Variants in SF3B3 observed in about 807,000 individuals in gnomAD.
SF3B3 encodes SAP 130.
Under a neutral mutation model 139.2 loss-of-function variants are expected in SF3B3, and 33 were observed. That is an observed-to-expected ratio of 0.24 (90% confidence interval 0.18 to 0.32). The LOEUF is 0.32. Among genes scored for constraint, SF3B3 ranks in the 10% least tolerant of loss-of-function variants. The pLI is 1.00. For synonymous variants in SF3B3, 596 were observed against 563.6 expected, an observed-to-expected ratio of 1.06 and a Z score of -0.81; for missense variants, 818 against 1,509.4, an observed-to-expected ratio of 0.54 and a Z score of 7.59.
intron 11 of SF3B3, chr16:70,550,758 G>A: frequency 1.5e-6 from 1 of 673,972 alleles, no homozygotes; most frequent in African/African-American, 2.0e-5. Context: ...TATTGAGGCT[G>A]CCCTGATGGT....
rs1308142211 is a variant in SF3B3, at chr16:70,572,115, C to G, written c.*302C>G. The G allele has an allele frequency of 5.3e-6, 3 of 565,536 alleles. No homozygotes were observed. The highest frequency in any genetic ancestry group is 1.0e-5 in the Non-Finnish European group (3 of 297,876). 35.0% of individuals were successfully genotyped at this position (565,536 alleles called of 1,614,324 possible). A position where few individuals can be genotyped will look rare whatever the true frequency, so the allele number is the denominator to read the frequency against. On this transcript the variant is annotated 3_prime_UTR_variant, in exon 26 of 26. Coordinates refer to ENST00000302516, the MANE Select transcript of SF3B3 (RefSeq NM_012426.5). Reference sequence around the variant, plus strand: ...CCCTGCATTGATATGTCTTGACTCTCCTGTCTACTTTTGCACACACCCTTA... The same window carrying G: ...CCCTGCATTGATATGTCTTGACTCTGCTGTCTACTTTTGCACACACCCTTA...
intron 23 of SF3B3, 129 bp from the exon 24 acceptor site, chr16:70,569,877 T>C: frequency 3.0e-6 from 3 of 993,904 alleles, no homozygotes; most frequent in Non-Finnish European, 4.5e-6. Context: ...TCCTCCCACG[T>C]TGGCCTCTAT....
Position 70,528,960 on chromosome 16 carries a change from T to A in SF3B3, c.158T>A (p.Leu53Gln). The change falls in exon 3 of 26, where the codon CTA (leucine) becomes CAA (glutamine). Residue 53 changes from leucine to glutamine, a missense_variant. Leu to Gln is a moderately radical substitution (Grantham distance 113). Coordinates refer to ENST00000302516, the MANE Select transcript of SF3B3 (RefSeq NM_012426.5). Reference protein sequence around the residue: ...PDPNTGKVHTLLTVEVFGVIR... With the variant: ...PDPNTGKVHTQLTVEVFGVIR... ...CCCAACACTGGCAAAGTACATACCC[T>A]ACTCACTGTGGAAGTATTCGGTGTT... is the stretch of plus-strand genomic sequence containing the variant. The A allele has an allele frequency of 6.2e-7, 1 of 1,614,144 alleles. No homozygotes were observed. The highest frequency in any genetic ancestry group is 2.2e-5 in the East Asian group (1 of 44,888).
At chr16:70,561,419 A>C (rs141220816) in intron 16 of SF3B3, 6 of 557,980 alleles carry the variant, frequency 1.1e-5, no homozygotes, top group Non-Finnish European at 1.6e-5. Context: ...GTGAGTCTAG[A>C]TCATATGGCT....
intron 10 of SF3B3, among the ~76,000 whole-genome samples, chr16:70,546,248 A>G (rs1361453113): frequency 6.6e-6 from 1 of 152,126 alleles, no homozygotes; most frequent in Non-Finnish European, 1.5e-5. Context: ...TGTGATTACA[A>G]GCGTGAGCCA....
rs2050544686 is a variant in SF3B3 at position 70,573,053 on chromosome 16, A to G, written c.*1240A>G. 1 of 152,244 alleles carries G rather than the reference A, an allele frequency of 6.6e-6. No homozygotes were observed. Among genetic ancestry groups the G allele is most frequent in the African/African-American group, 2.4e-5 (1 of 41,470 alleles). 9.4% of individuals were successfully genotyped at this position (152,244 alleles called of 1,614,324 possible). A position where few individuals can be genotyped will look rare whatever the true frequency, so the allele number is the denominator to read the frequency against. On this transcript the variant is annotated 3_prime_UTR_variant, in exon 26 of 26. Transcript: ENST00000302516. ...GGGTTAGAATCAGGAATGGTGGAAT[A>G]CAATCTGAACCTCTCAGAGCCCAGA...
chr16:70,570,187 G>A, intron 24 of SF3B3, 38 bp downstream of exon 24: 4 of 1,610,940 alleles, frequency 2.5e-6, no homozygotes, highest in Non-Finnish European at 3.4e-6. Context: ...TGACTTTTAA[G>A]GTTGTTTCTT....
chr16:70,547,664 G>C (rs1209523216), intron 10 of SF3B3, among the ~76,000 whole-genome samples: 2 of 152,200 alleles, frequency 1.3e-5, no homozygotes, highest in Non-Finnish European at 2.9e-5. Context: ...TGCAATCTCA[G>C]CTCACCGCAA....
Position 70,549,057 on chromosome 16 carries a change from G to A in SF3B3, c.1402+615G>A, listed in dbSNP as rs118167947. On this transcript the variant is annotated intron_variant, in intron 11 of 25. Coordinates refer to ENST00000302516, the MANE Select transcript of SF3B3 (RefSeq NM_012426.5). Reference sequence around the variant, plus strand: ...AGAATGCCTAGTAGTTACTGCAATAGCAGGAAAGTCTTGTGACAATTGAAT... The same window carrying A: ...AGAATGCCTAGTAGTTACTGCAATAACAGGAAAGTCTTGTGACAATTGAAT... 1.8e-3 allele frequency among the ~76,000 whole-genome samples: 272 copies of A among 152,336 alleles called. 2 individuals carry two copies. The highest frequency in any genetic ancestry group is 6.5e-3 in the Admixed American group (99 of 15,304).
At position 70,556,304 on chromosome 16, in the gene SF3B3, C is replaced by T; in HGVS notation, c.1836C>T (p.Asn612=). 1 of 1,614,182 alleles carries T rather than the reference C, an allele frequency of 6.2e-7. No individual in the cohort carries two copies. Among genetic ancestry groups the T allele is most frequent in the South Asian group, 1.1e-5 (1 of 91,078 alleles). The stretch of plus-strand genomic sequence containing the variant: ...TCCTGGCTGTGGGGCTTGTGGACAA[C>T]ACTGTCAGAATCATCTCCCTGGATC... The part of the protein sequence containing the change: ...SRFLAVGLVD[N]TVRIISLDPS... The change falls in exon 14 of 26, where the codon AAC becomes AAT. Residue 612 remains asparagine (N), a synonymous_variant. Coordinates refer to ENST00000302516, the MANE Select transcript of SF3B3 (RefSeq NM_012426.5).
chr16:70,565,233 G>A lies in SF3B3; in HGVS notation c.2632G>A (p.Asp878Asn). ...VMNPIQGNTLDLVQLEQNEAA... is the reference protein window; with the variant it reads ...VMNPIQGNTLNLVQLEQNEAA... ...GAATCCCATTCAAGGGAACACACTG[G>A]ACCTTGTCCAGCTGGAACAGAATGA... Residue 878 changes from aspartate (D) to asparagine (N), a missense_variant, in exon 19 of 26, where the codon GAC becomes AAC. Asp to Asn is a conservative substitution (Grantham distance 23). Transcript: ENST00000302516. 6.2e-7 allele frequency: 1 copy of A among 1,614,186 alleles called. No homozygotes were observed. Among genetic ancestry groups the A allele is most frequent in the Non-Finnish European group, 8.5e-7 (1 of 1,180,036 alleles).
intron 10 of SF3B3, among the ~76,000 whole-genome samples, chr16:70,545,633 A>ATCT (rs2050261048): frequency 6.6e-6 from 1 of 152,210 alleles, no homozygotes; most frequent in Admixed American, 6.5e-5. Context: ...AGCTCTCAAG[A>ATCT]GGCCTGCTAC....
At chr16:70,543,783 C>T (rs569135213) in intron 9 of SF3B3, among the ~76,000 whole-genome samples, 2 of 152,108 alleles carry the variant, frequency 1.3e-5, no homozygotes, top group South Asian at 2.1e-4. Context: ...TTCTTTCTGC[C>T]ATGGATCTTT....
At position 70,565,151 on chromosome 16, in the gene SF3B3, C is replaced by T. The variant is rs190954086; in HGVS notation, c.2550C>T (p.Ser850=). 1 of 1,614,162 alleles carries T rather than the reference C, an allele frequency of 6.2e-7. No individual in the cohort carries two copies. The highest frequency in any genetic ancestry group is 2.2e-5 in the East Asian group (1 of 44,886). The change falls in exon 19 of 26, where the codon TCC becomes TCT. Residue 850 remains serine (S), a synonymous_variant. Transcript: ENST00000302516. The stretch of plus-strand genomic sequence containing the variant: ...TCCTCAATGAAAACCTCCCTGAATC[C>T]ATCTTTGGAGCTCCCAAGGCTGGCA... ...AAFLNENLPE[S]IFGAPKAGNG...
chr16:70,532,444 CTGA>C (rs1157588460), intron 4 of SF3B3, 32 bp from the exon 5 acceptor site: 1 of 1,596,222 alleles, frequency 6.3e-7, no homozygotes, highest in Admixed American at 1.7e-5. Context: ...CGATTTTATG[CTGA>C]TGATTAGTTT....
chr16:70,525,276 C>T (rs1243975955), intron 1 of SF3B3, among the ~76,000 whole-genome samples: 1 of 152,110 alleles, frequency 6.6e-6, no homozygotes, highest in African/African-American at 2.4e-5. Flanking sequence ...ACCCATTTGC[C>T]TCGGCCTCCC....
chr16:70,533,850 T>C (rs1445865803), intron 5 of SF3B3, among the ~76,000 whole-genome samples: 1 of 152,250 alleles, frequency 6.6e-6, no homozygotes, highest in Non-Finnish European at 1.5e-5. Context: ...CACATCTCAT[T>C]ACTTGTAACA....
chr16:70,567,428 C>T lies in SF3B3; in HGVS notation c.2844C>T (p.Val948=). 6.2e-7 allele frequency: 1 copy of T among 1,613,822 alleles called. No homozygotes were observed. The highest frequency in any genetic ancestry group is 8.5e-7 in the Non-Finnish European group (1 of 1,179,876). The change falls in exon 21 of 26, where the codon GTC becomes GTT. Residue 948 remains valine, a synonymous_variant. Coordinates refer to ENST00000302516, the MANE Select transcript of SF3B3 (RefSeq NM_012426.5). ...EFLHKTPVEE[V]PAAIAPFQGR... is the part of the protein sequence containing the mutation. ...CTCTATAGACTCCTGTGGAAGAGGT[C>T]CCTGCTGCTATTGCCCCATTCCAGG... is the stretch of plus-strand genomic sequence containing the variant.
chr16:70,549,319 T>C (rs1466051832), intron 11 of SF3B3, among the ~76,000 whole-genome samples: 2 of 152,230 alleles, frequency 1.3e-5, no homozygotes, highest in Non-Finnish European at 2.9e-5. Context: ...ATTAGTAGAA[T>C]ACTCATTTTT....
Sources: gnomAD v4.1 joint callset for allele counts (sites outside exome capture counted in the v4.1 genomes callset) on GRCh38, gnomAD v4.1.1 for gene constraint, MANE v1.5 for transcripts, NCBI Gene and HGNC (gene_info 2026-07-23, HGNC 2026-07-21) for gene names.